The following PRPF19 variants were observed in gnomAD, a reference collection of about 807,000 sequenced individuals.
PRPF19 encodes pre-mRNA processing factor 19, also known as pre-mRNA-processing factor 19.
A neutral mutation model predicts 64.2 loss-of-function variants in PRPF19; 2 were observed. The ratio of observed to expected loss-of-function variants is 0.03; its 90% confidence interval spans 0.01 to 0.10. PRPF19 has a LOEUF of 0.10. PRPF19 is among the 10% of genes least tolerant of loss of function. The pLI, the probability that PRPF19 is intolerant of heterozygous loss-of-function variation, is 1.00. For synonymous variants in PRPF19, 226 were observed against 251.6 expected, an observed-to-expected ratio of 0.90 and a Z score of 0.96; for missense variants, 314 against 650.0, an observed-to-expected ratio of 0.48 and a Z score of 5.62.
chr11:60,906,423 CG>C lies in PRPF19; in HGVS notation c.-42del. 2 of 1,538,932 alleles carry C rather than the reference CG, an allele frequency of 1.3e-6. No homozygotes were observed. The highest frequency in any genetic ancestry group is 8.7e-7 in the Non-Finnish European group (1 of 1,143,290). The stretch of plus-strand genomic sequence containing the variant: ...CTCCGAGGCGCCACACGCCGGGCTC[CG>C]GGACTAGCTTCTGAGCCTCCGCGAG... On this transcript the variant is annotated 5_prime_UTR_variant, in exon 1 of 16. Transcript: ENST00000227524.
intron 10 of PRPF19, among the ~76,000 whole-genome samples, chr11:60,899,573 T>A (rs1855959475): frequency 6.6e-6 from 1 of 152,212 alleles, no homozygotes. Flanking sequence ...AGAGCAATTT[T>A]CCCATTTCCA....
chr11:60,899,246 G>A lies in PRPF19; in HGVS notation c.887C>T (p.Ala296Val). The A allele has an allele frequency of 1.2e-6, 2 of 1,613,938 alleles. No individual in the cohort carries two copies. Among genetic ancestry groups the A allele is most frequent in the Non-Finnish European group, 1.7e-6 (2 of 1,179,762 alleles). ...GGCCCGAACCACCTGTACACAAGAG[G>A]CATTGGGGACCGACCAAATCCTGAT... ...ATIRIWSVPN[A>V]SCVQVVRAHE... Residue 296 changes from alanine (A) to valine (V), a missense_variant, in exon 11 of 16, where the codon GCC becomes GTC. Ala to Val is a moderately conservative substitution (Grantham distance 64). This residue lies in a region of PRPF19 where 175 missense variants were observed against 342.9 expected (regional missense o/e 0.51). Transcript: ENST00000227524.
chr11:60,901,144 G>C, intron 8 of PRPF19, 151 bp downstream of exon 8: 1 of 1,005,544 alleles, frequency 9.9e-7, no homozygotes, highest in Non-Finnish European at 1.5e-6. Flanking sequence ...GAGGAGCCCT[G>C]ACAACTCAGC....
Position 60,902,573 on chromosome 11 carries a change from G to A in PRPF19, c.462+10C>T. On this transcript the variant is annotated intron_variant, in intron 5 of 15. Coordinates refer to ENST00000227524, the MANE Select transcript of PRPF19 (RefSeq NM_014502.5). This position sits in a 1 kb window ranked among gnomAD's most constrained non-coding sequence, Gnocchi z 5.0. Reference sequence around the variant, plus strand: ...AAATGGGCTGCTGGTAAGGGAAGGGGGACACTTACCACAACACTTGGTTGG... The same window carrying A: ...AAATGGGCTGCTGGTAAGGGAAGGGAGACACTTACCACAACACTTGGTTGG... 6.2e-7 allele frequency: 1 copy of A among 1,611,730 alleles called. No individual in the cohort carries two copies. The highest frequency in any genetic ancestry group is 8.5e-7 in the Non-Finnish European group (1 of 1,177,818).
chr11:60,902,973 TCCCAGAG>T lies in PRPF19; in HGVS notation c.247-99_247-93del. On this transcript the variant is annotated intron_variant, in intron 3 of 15. Coordinates refer to ENST00000227524, the MANE Select transcript of PRPF19 (RefSeq NM_014502.5). The surrounding 1 kb of genome is among the most constrained non-coding windows in gnomAD (Gnocchi z 5.0). Reference sequence around the variant, plus strand: ...CTTGGGGAGGGGATGCTGCCTCCTATCCCAGAGCCTAGACCAGTATCAGTGACCCAAA... The same window carrying T: ...CTTGGGGAGGGGATGCTGCCTCCTATCCTAGACCAGTATCAGTGACCCAAA... 1 of 1,528,060 alleles carries T rather than the reference TCCCAGAG, an allele frequency of 6.5e-7. No individual in the cohort carries two copies. Among genetic ancestry groups the T allele is most frequent in the Non-Finnish European group, 8.8e-7 (1 of 1,139,278 alleles). The allele number at this position is 1,528,060 out of a possible 1,614,324, so 94.7% of individuals were successfully genotyped here. A position where few individuals can be genotyped will look rare whatever the true frequency, so the allele number is the denominator to read the frequency against.
chr11:60,892,926 C>A (rs1855878346), intron 15 of PRPF19, among the ~76,000 whole-genome samples: 1 of 152,010 alleles, frequency 6.6e-6, no homozygotes, highest in Non-Finnish European at 1.5e-5. Flanking sequence ...GCACTTCCTC[C>A]CCATCCCCCC....
intron 3 of PRPF19, among the ~76,000 whole-genome samples, chr11:60,903,150 C>A (rs1478275754): frequency 6.6e-6 from 1 of 152,142 alleles, no homozygotes; most frequent in Non-Finnish European, 1.5e-5. Context: ...AGCTGTCATG[C>A]CGTCCCCTCT....
At chr11:60,900,094 G>A (rs1021613273) in intron 10 of PRPF19, among the ~76,000 whole-genome samples, 2 of 152,078 alleles carry the variant, frequency 1.3e-5, no homozygotes, top group East Asian at 1.9e-4. Flanking sequence ...CTTAAAATTC[G>A]AATCCCATAA....
Position 60,903,827 on chromosome 11 carries a change from G to A in PRPF19, c.54C>T (p.Ser18=), listed in dbSNP as rs1273699329. The A allele has an allele frequency of 1.9e-6, 3 of 1,608,940 alleles. No individual in the cohort carries two copies. The highest frequency in any genetic ancestry group is 3.5e-5 in the Admixed American group (2 of 57,652). Residue 18 remains serine (S), a synonymous_variant, in exon 2 of 16, where the codon TCC becomes TCT. Transcript: ENST00000227524. The part of the protein sequence containing the change: ...SNEVPEHPCV[S]PVSNHVYERR... Reference sequence around the variant, plus strand: ...GCTCATAAACATGATTAGAGACAGGGGATACACATGGGTGCTCCGGCACTT... The same window carrying A: ...GCTCATAAACATGATTAGAGACAGGAGATACACATGGGTGCTCCGGCACTT...
In PRPF19 at chr11:60,891,080, C is replaced by CCCCT; in HGVS notation, c.*85_*86insAGGG. 1.1e-5 allele frequency: 2 copies of CCCCT among 185,964 alleles called. No individual in the cohort carries two copies. Among genetic ancestry groups the CCCCT allele is most frequent in the Admixed American group, 7.3e-5 (1 of 13,630 alleles). 11.5% of individuals were successfully genotyped at this position (185,964 alleles called of 1,614,324 possible). A position where few individuals can be genotyped will look rare whatever the true frequency, so the allele number is the denominator to read the frequency against. ...CCCACCCCACAGAGCCCCCTCCCCC[C>CCCCT]ATAGATTCCCCCCACCCCCCCCCCC... On this transcript the variant is annotated 3_prime_UTR_variant, in exon 16 of 16. Transcript: ENST00000227524.
At chr11:60,905,313 C>A (rs548195436) in intron 1 of PRPF19, 1 of 152,128 alleles carries the variant, frequency 6.6e-6, no homozygotes, top group Non-Finnish European at 1.5e-5. Context: ...TGCTGGGGAA[C>A]GTAAAAGAGA....
At chr11:60,903,974 G>T in intron 1 of PRPF19, 113 bp from the exon 2 acceptor site, 1 of 1,329,272 alleles carries the variant, frequency 7.5e-7, no homozygotes, top group Non-Finnish European at 1.0e-6. Context: ...TCAACTAGCA[G>T]AAAGCAAGAC....
chr11:60,906,223 G>A (rs1052286181), intron 1 of PRPF19, 141 bp downstream of exon 1: 128 of 1,325,236 alleles, frequency 9.7e-5, no homozygotes, highest in Non-Finnish European at 1.2e-4. Flanking sequence ...GGGGGGCTCC[G>A]GTGCTGACAG....
chr11:60,898,753 T>C lies in PRPF19; in HGVS notation c.1054+109A>G. 2.0e-6 allele frequency: 3 copies of C among 1,532,138 alleles called. No individual in the cohort carries two copies. The highest frequency in any genetic ancestry group is 1.2e-5 in the South Asian group (1 of 83,342). 94.9% of individuals were successfully genotyped at this position (1,532,138 alleles called of 1,614,324 possible). A position where few individuals can be genotyped will look rare whatever the true frequency, so the allele number is the denominator to read the frequency against. ...CAGCACAAAGCCCGCACTAGACAGGTGCTCATGGTAAATATATCTTTAGAA... is the reference window on the plus strand; with the variant it reads ...CAGCACAAAGCCCGCACTAGACAGGCGCTCATGGTAAATATATCTTTAGAA... On this transcript the variant is annotated intron_variant, in intron 12 of 15. Coordinates refer to ENST00000227524, the MANE Select transcript of PRPF19 (RefSeq NM_014502.5). This position sits in a 1 kb window ranked among gnomAD's most constrained non-coding sequence, Gnocchi z 4.6.
At chr11:60,897,650 T>G (rs1855936583) in intron 15 of PRPF19, 196 bp downstream of exon 15, 2 of 523,574 alleles carry the variant, frequency 3.8e-6, no homozygotes, top group Non-Finnish European at 6.7e-6. Flanking sequence ...GGCATGGAAG[T>G]GGCAGAACAA....
intron 15 of PRPF19, among the ~76,000 whole-genome samples, chr11:60,894,840 T>C (rs1855902566): frequency 6.6e-6 from 1 of 152,248 alleles, no homozygotes; most frequent in African/African-American, 2.4e-5. Context: ...GTTGCAGGCA[T>C]GAAACATCTC....
In PRPF19 at chr11:60,898,103, C is replaced by T; in HGVS notation, c.1309G>A (p.Glu437Lys). The T allele has an allele frequency of 6.2e-7, 1 of 1,613,928 alleles. No homozygotes were observed. The highest frequency in any genetic ancestry group is 8.5e-7 in the Non-Finnish European group (1 of 1,179,886). The change falls in exon 14 of 16, where the codon GAG becomes AAG. Residue 437 changes from glutamate to lysine, a missense_variant and splice_region_variant. Glu to Lys is a moderately conservative substitution (Grantham distance 56). Coordinates refer to ENST00000227524, the MANE Select transcript of PRPF19 (RefSeq NM_014502.5). This position sits in a 1 kb window ranked among gnomAD's most constrained non-coding sequence, Gnocchi z 4.6. The part of the protein sequence containing the change: ...FKTLQLDNNF[E>K]VKSLIFDQSG... ...TGGGCGGAGGGGGAAGGGCACACCT[C>T]AAAGTTGTTATCCAGCTGCAAAGTC... is the stretch of plus-strand genomic sequence containing the variant.
chr11:60,894,774 A>G (rs925619503), intron 15 of PRPF19, among the ~76,000 whole-genome samples: 8 of 152,224 alleles, frequency 5.3e-5, no homozygotes, highest in Non-Finnish European at 1.2e-4. Context: ...GTATTTCTTA[A>G]GTAATAAGAC....
intron 15 of PRPF19, among the ~76,000 whole-genome samples, chr11:60,895,942 G>T (rs768653196): frequency 1.3e-5 from 2 of 151,946 alleles, no homozygotes; most frequent in Admixed American, 1.3e-4. Context: ...GTGCCCCCCC[G>T]CCCAACAATT....
Sources: gnomAD v4.1 joint callset for allele counts (sites outside exome capture counted in the v4.1 genomes callset) on GRCh38, gnomAD v4.1.1 for gene constraint, gnomAD v4.1.1 regional missense constraint, Gnocchi (gnomAD v3.1) non-coding constraint, MANE v1.5 for transcripts, NCBI Gene and HGNC (gene_info 2026-07-23, HGNC 2026-07-21) for gene names.